The following SLFN14 variants were observed in gnomAD, a reference collection of about 807,000 sequenced individuals.
The protein encoded by SLFN14 is schlafen family member 14.
A neutral mutation model predicts 58.6 loss-of-function variants in SLFN14; 47 were observed. The ratio of observed to expected loss-of-function variants is 0.80; its 90% CI spans 0.64 to 1.02. SLFN14 has a LOEUF of 1.02. Ranked by LOEUF, SLFN14 falls within the 50% of genes least tolerant of loss-of-function variation. The pLI is 0.00. For missense variants in SLFN14, 967 were observed against 1,078.4 expected, an observed-to-expected ratio of 0.90 and a Z score of 1.45; for synonymous variants, 390 against 387.3, an observed-to-expected ratio of 1.01 and a Z score of -0.08.
Position 35,548,082 on chromosome 17 carries a change from G to C in SLFN14, c.*157C>G. ...TGAAAAGGCCAGTGGCATTGAAATA[G>C]AGTGGAAGGCTCAGCTCCAAGAGAC... On this transcript the variant is annotated 3_prime_UTR_variant, in exon 6 of 6. Coordinates refer to ENST00000674182, the MANE Select transcript of SLFN14 (RefSeq NM_001129820.2). 1 of 704,126 alleles carries C rather than the reference G, an allele frequency of 1.4e-6. No individual in the cohort carries two copies. Among genetic ancestry groups the C allele is most frequent in the Non-Finnish European group, 2.3e-6 (1 of 432,208 alleles). 43.6% of individuals were successfully genotyped at this position (704,126 alleles called of 1,614,324 possible).
At chr17:35,556,045 T>C (rs1313434349) in intron 3 of SLFN14, among the ~76,000 whole-genome samples, 1 of 152,126 alleles carries the variant, frequency 6.6e-6, no homozygotes, top group Non-Finnish European at 1.5e-5. Context: ...TTTTTATTTA[T>C]TTATTTTTTT....
At chr17:35,554,749 T>TA in intron 3 of SLFN14, 45 bp from the exon 4 acceptor site, 3 of 1,185,414 alleles carry the variant, frequency 2.5e-6, no homozygotes, top group South Asian at 2.5e-5. Flanking sequence ...AAATAAAAAG[T>TA]TAAAAAAAAA....
In SLFN14 at chr17:35,557,918, T is replaced by C; in HGVS notation, c.145A>G (p.Ile49Val). 1.3e-6 allele frequency: 2 copies of C among 1,551,732 alleles called. No homozygotes were observed. The highest frequency in any genetic ancestry group is 1.7e-6 in the Non-Finnish European group (2 of 1,146,998). ...RSENSRIIRA[I>V]CALLNSGGGV... Reference sequence around the variant, plus strand: ...CCTCCAGAATTTAACAGTGCACATATAGCCCGGATAATTCTAGAATTCTCA... The same window carrying C: ...CCTCCAGAATTTAACAGTGCACATACAGCCCGGATAATTCTAGAATTCTCA... The change falls in exon 3 of 6, where the codon ATA (isoleucine) becomes GTA (valine). Residue 49 changes from isoleucine (I) to valine (V), a missense_variant. Physicochemically the swap from Ile to Val is conservative, Grantham distance 29 (BLOSUM62 3). Transcript: ENST00000674182.
chr17:35,547,258 T>A lies in SLFN14; in HGVS notation c.*981A>T, dbSNP rs555764443. ...TTGCTTTAGCTTGTAAACTGTAAAC[T>A]AATTTGTCTAGTCCTTGTGATAGAA... On this transcript the variant is annotated 3_prime_UTR_variant, in exon 6 of 6. Transcript: ENST00000674182. 6.6e-6 allele frequency among the ~76,000 whole-genome samples: 1 copy of A among 152,338 alleles called. No homozygotes were observed. Among genetic ancestry groups the A allele is most frequent in the African/African-American group, 2.4e-5 (1 of 41,586 alleles).
Position 35,557,467 on chromosome 17 carries a change from T to C in SLFN14, c.596A>G (p.Lys199Arg). ...TGACTCAGTAAAGTTGAGTTTCTCC[T>C]TATACATGAGTTTGTCCTTTTTAAA... ...EFFKKDKLMYKEKLNFTESTH... is the reference protein window; with the variant it reads ...EFFKKDKLMYREKLNFTESTH... Residue 199 changes from lysine to arginine, a missense_variant, in exon 3 of 6, where the codon AAG becomes AGG. Lys to Arg is a conservative substitution (Grantham distance 26). Coordinates refer to ENST00000674182, the MANE Select transcript of SLFN14 (RefSeq NM_001129820.2). The C allele has an allele frequency of 6.4e-7, 1 of 1,551,736 alleles. No individual in the cohort carries two copies.
At position 35,550,443 on chromosome 17, in the gene SLFN14, G is replaced by A. The variant is rs538563727; in HGVS notation, c.1905-1370C>T. Among the ~76,000 whole-genome samples the A allele has an allele frequency of 1.5e-4, 23 of 152,330 alleles. 1 individual carries two copies. Among genetic ancestry groups the A allele is most frequent in the Middle Eastern group, 3.4e-3 (1 of 294 alleles). ...CACTTGTAATCCCAGCTACTCGGGA[G>A]GCTGAGGCAAGAGAATCACTTGAAC... On this transcript the variant is annotated intron_variant, in intron 5 of 5. Transcript: ENST00000674182.
chr17:35,552,153 C>G (rs1476310358), intron 5 of SLFN14, among the ~76,000 whole-genome samples: 1 of 152,156 alleles, frequency 6.6e-6, no homozygotes. Flanking sequence ...GCACCCCTCC[C>G]GAGGAAATCT....
Position 35,547,885 on chromosome 17 carries a change from T to C in SLFN14, c.*354A>G, listed in dbSNP as rs1231274641. Reference sequence around the variant, plus strand: ...TGAAAGCCTTGAAAATTGGTTAGGTTTGAAGGCTGTGGGGACTCATTGAAG... The same window carrying C: ...TGAAAGCCTTGAAAATTGGTTAGGTCTGAAGGCTGTGGGGACTCATTGAAG... On this transcript the variant is annotated 3_prime_UTR_variant, in exon 6 of 6. Coordinates refer to ENST00000674182, the MANE Select transcript of SLFN14 (RefSeq NM_001129820.2). Among the ~76,000 whole-genome samples, 1 of 152,178 alleles carries C rather than the reference T, an allele frequency of 6.6e-6. No homozygotes were observed. Among genetic ancestry groups the C allele is most frequent in the African/African-American group, 2.4e-5 (1 of 41,430 alleles).
chr17:35,555,511 C>T (rs575056118), intron 3 of SLFN14, among the ~76,000 whole-genome samples: 1 of 151,320 alleles, frequency 6.6e-6, no homozygotes, highest in Non-Finnish European at 1.5e-5. Context: ...GAGATCGTGC[C>T]GCTGCACTCC....
intron 5 of SLFN14, among the ~76,000 whole-genome samples, chr17:35,550,470 C>T (rs1251906029): frequency 6.6e-6 from 1 of 152,186 alleles, no homozygotes; most frequent in Non-Finnish European, 1.5e-5. Flanking sequence ...CACTTGAACC[C>T]AGGAGACAGA....
chr17:35,555,418 G>T (rs922821429), intron 3 of SLFN14, among the ~76,000 whole-genome samples: 1 of 151,896 alleles, frequency 6.6e-6, no homozygotes, highest in Admixed American at 6.6e-5. Context: ...GCTGGGCGTG[G>T]TGGTGTGCCT....
intron 2 of SLFN14, among the ~76,000 whole-genome samples, chr17:35,558,458 A>T (rs1291454207): frequency 1.4e-5 from 2 of 141,748 alleles, no homozygotes; most frequent in Non-Finnish European, 1.5e-5. Context: ...TGTTCTTGCT[A>T]TTTTTTTTTT....
At position 35,546,525 on chromosome 17, in the gene SLFN14, T is replaced by A. The variant is rs2072536092; in HGVS notation, c.*1714A>T. Among the ~76,000 whole-genome samples the A allele has an allele frequency of 6.6e-6, 1 of 152,208 alleles. No individual in the cohort carries two copies. Among genetic ancestry groups the A allele is most frequent in the South Asian group, 2.1e-4 (1 of 4,832 alleles). ...CCAAAATTTCCACATGTCTCCTGGA[T>A]TCAAGCCTCCCCAGAGTCAATCAAG... On this transcript the variant is annotated 3_prime_UTR_variant, in exon 6 of 6. Transcript: ENST00000674182.
intron 3 of SLFN14, among the ~76,000 whole-genome samples, chr17:35,556,514 G>A (rs928653764): frequency 2.0e-5 from 3 of 152,190 alleles, no homozygotes; most frequent in African/African-American, 7.2e-5. Context: ...GGCCAGGAGT[G>A]GTGGCTCACA....
intron 5 of SLFN14, among the ~76,000 whole-genome samples, chr17:35,551,748 T>A (rs2072589823): frequency 6.6e-6 from 1 of 152,030 alleles, no homozygotes; most frequent in Admixed American, 6.6e-5. Context: ...CCTGTTTATT[T>A]TTAGGGGAAG....
chr17:35,554,324 TATA>T (rs1204767655), intron 4 of SLFN14, among the ~76,000 whole-genome samples: 1 of 147,250 alleles, frequency 6.8e-6, no homozygotes, highest in Non-Finnish European at 1.5e-5. Context: ...TATAATTATA[TATA>T]ATAATTATAT....
intron 2 of SLFN14, 21 bp from the exon 3 acceptor site, chr17:35,558,127 T>C (rs926097821): frequency 1.5e-6 from 2 of 1,320,810 alleles, no homozygotes; most frequent in Non-Finnish European, 2.0e-6. Flanking sequence ...GACAGAAATA[T>C]TGTTTCTATA....
chr17:35,548,823 G>A lies in SLFN14; in HGVS notation c.2155C>T (p.Pro719Ser). The part of the protein sequence containing the change: ...HHADVNGLPP[P>S]SAQFPRKTIT... ...GTTTTTCGAGGAAACTGAGCAGATG[G>A]AGGGGGAAGGCCATTGACATCTGCG... Residue 719 changes from proline (P) to serine (S), a missense_variant, in exon 6 of 6, where the codon CCA (proline) becomes TCA (serine). Pro to Ser is a moderately conservative substitution (Grantham distance 74). Transcript: ENST00000674182. 6.4e-7 allele frequency: 1 copy of A among 1,551,736 alleles called. No individual in the cohort carries two copies. The highest frequency in any genetic ancestry group is 8.7e-7 in the Non-Finnish European group (1 of 1,147,000).
At position 35,554,735 on chromosome 17, in the gene SLFN14, C is replaced by CA. The variant is rs766402741; in HGVS notation, c.1061-32dup. 77 of 1,083,750 alleles carry CA rather than the reference C, an allele frequency of 7.1e-5. No individual in the cohort carries two copies. The African/African-American group carries it at 1.5e-3, about 21-fold the overall frequency. 67.1% of individuals were successfully genotyped at this position (1,083,750 alleles called of 1,614,324 possible). On this transcript the variant is annotated intron_variant, in intron 3 of 5. Transcript: ENST00000674182. ...CAATTACATGGAAAGTTGTTTCAGA[C>CA]AAAAAATAAAAAGTTAAAAAAAAAA...
Sources: gnomAD v4.1 joint callset for allele counts (sites outside exome capture counted in the v4.1 genomes callset) on GRCh38, gnomAD v4.1.1 for gene constraint, MANE v1.5 for transcripts, NCBI Gene and HGNC (gene_info 2026-07-23, HGNC 2026-07-21) for gene names.